NDUFAF8: variants seen among roughly 807,000 people sequenced by gnomAD.
The protein encoded by NDUFAF8 is NADH:ubiquinone oxidoreductase complex assembly factor 8, also known as NADH dehydrogenase [ubiquinone] 1 alpha subcomplex assembly factor 8.
Under a neutral mutation model 9.9 loss-of-function variants are expected in NDUFAF8, and 9 were observed. The observed-to-expected ratio is 0.91, with a 90% confidence interval of 0.55 to 1.59. The LOEUF (loss-of-function observed/expected upper bound fraction) is 1.59, where lower values mean the gene tolerates loss of function less well. Among genes scored for constraint, NDUFAF8 ranks in the 40% most tolerant of loss-of-function variants. The pLI is 0.00. For missense variants in NDUFAF8, 114 were observed against 113.8 expected, an observed-to-expected ratio of 1.00 and a Z score of -0.01; for synonymous variants, 63 against 51.2, an observed-to-expected ratio of 1.23 and a Z score of -0.98.
At position 81,239,354 on chromosome 17, in the gene NDUFAF8, A is replaced by C. The variant is rs2062787432; in HGVS notation, c.-10A>C. The C allele has an allele frequency of 7.3e-7, 1 of 1,365,910 alleles. No individual in the cohort carries two copies. Among genetic ancestry groups the C allele is most frequent in the Non-Finnish European group, 9.4e-7 (1 of 1,058,838 alleles). The allele number at this position is 1,365,910 out of a possible 1,614,324, so 84.6% of individuals were successfully genotyped here. On this transcript the variant is annotated 5_prime_UTR_variant, in exon 1 of 3. Transcript: ENST00000431388. ...GATGGCGGCCTCCAGGGGGCTGGGA[A>C]TAGCCGCTCATGTCGGCTAACGGAG...
In NDUFAF8 at chr17:81,239,739, C is replaced by T. The variant is rs572400759; in HGVS notation, c.195+61C>T. On this transcript the variant is annotated intron_variant, in intron 2 of 2. Coordinates refer to ENST00000431388, the MANE Select transcript of NDUFAF8 (RefSeq NM_001086521.2). The stretch of plus-strand genomic sequence containing the variant: ...CCTTCCCCTCCAAGAGCCAGCGGGC[C>T]CCGGCTTTCCTTTGCTTTCCCGTTG... 5.1e-4 allele frequency: 752 copies of T among 1,476,684 alleles called. 1 individual carries two copies. Among genetic ancestry groups the T allele is most frequent in the Non-Finnish European group, 6.5e-4 (713 of 1,098,392 alleles). 91.5% of individuals were successfully genotyped at this position (1,476,684 alleles called of 1,614,324 possible). A position where few individuals can be genotyped will look rare whatever the true frequency, so the allele number is the denominator to read the frequency against.
In NDUFAF8 at chr17:81,239,678, G is replaced by A. The variant is rs1010111537; in HGVS notation, c.195G>A (p.Ala65=). ...CCCTGCGGAGCTGCTTCGCCGCTGC[G>A]GTAGGTGGGCGCGGGCCCCTTCCCC... is the stretch of plus-strand genomic sequence containing the variant. The part of the protein sequence containing the change: ...FEALRSCFAA[A]AKKTLEGGC The change falls in exon 2 of 3, where the codon GCG becomes GCA. Residue 65 remains alanine, a splice_region_variant and synonymous_variant. Transcript: ENST00000431388. 6 of 1,538,116 alleles carry A rather than the reference G, an allele frequency of 3.9e-6. No individual in the cohort carries two copies. The African/African-American group carries it at 5.5e-5, about 14-fold the overall frequency.
chr17:81,241,041 T>C lies in NDUFAF8; in HGVS notation c.*25T>C. 1.2e-6 allele frequency: 2 copies of C among 1,612,142 alleles called. No homozygotes were observed. Among genetic ancestry groups the C allele is most frequent in the Non-Finnish European group, 1.7e-6 (2 of 1,179,192 alleles). ...GGAGGGACTCTGAGCTTCACACCTG[T>C]CTGCTGCCATGGGTGCAGAGCCCTA... On this transcript the variant is annotated 3_prime_UTR_variant, in exon 3 of 3. Coordinates refer to ENST00000431388, the MANE Select transcript of NDUFAF8 (RefSeq NM_001086521.2).
At chr17:81,240,018 G>C in intron 2 of NDUFAF8, 1 of 360,052 alleles carries the variant, frequency 2.8e-6, no homozygotes, top group Non-Finnish European at 5.1e-6. Flanking sequence ...CCCGGAAAGT[G>C]CCCAGCACCT....
At position 81,239,830 on chromosome 17, in the gene NDUFAF8, G is replaced by A. The variant is rs561859998; in HGVS notation, c.195+152G>A. ...CTGACAAAATCACCGAGCCATCGAC[G>A]AGCCCGCGAAACCTCGGCCGTCCTG... On this transcript the variant is annotated intron_variant, in intron 2 of 2. Coordinates refer to ENST00000431388, the MANE Select transcript of NDUFAF8 (RefSeq NM_001086521.2). 37 of 873,542 alleles carry A rather than the reference G, an allele frequency of 4.2e-5. No individual in the cohort carries two copies. In the African/African-American group the frequency reaches 5.8e-4, roughly 14 times the overall value. 54.1% of individuals were successfully genotyped at this position (873,542 alleles called of 1,614,324 possible).
In NDUFAF8 at chr17:81,239,679, G is replaced by A; in HGVS notation, c.195+1G>A. The stretch of plus-strand genomic sequence containing the variant: ...CCTGCGGAGCTGCTTCGCCGCTGCG[G>A]TAGGTGGGCGCGGGCCCCTTCCCCC... On this transcript the variant is annotated splice_donor_variant, in intron 2 of 2. Coordinates refer to ENST00000431388, the MANE Select transcript of NDUFAF8 (RefSeq NM_001086521.2). LOFTEE classifies it high-confidence loss of function. 6.5e-7 allele frequency: 1 copy of A among 1,538,012 alleles called. No homozygotes were observed. Among genetic ancestry groups the A allele is most frequent in the Non-Finnish European group, 8.7e-7 (1 of 1,146,370 alleles).
chr17:81,241,053 G>C lies in NDUFAF8; in HGVS notation c.*37G>C. ...AGCTTCACACCTGTCTGCTGCCATGGGTGCAGAGCCCTAGTCCTGATGGCC... is the reference window on the plus strand; with the variant it reads ...AGCTTCACACCTGTCTGCTGCCATGCGTGCAGAGCCCTAGTCCTGATGGCC... On this transcript the variant is annotated 3_prime_UTR_variant, in exon 3 of 3. Transcript: ENST00000431388. 6.2e-7 allele frequency: 1 copy of C among 1,609,906 alleles called. No individual in the cohort carries two copies. Among genetic ancestry groups the C allele is most frequent in the South Asian group, 1.1e-5 (1 of 90,350 alleles).
Position 81,241,202 on chromosome 17 carries a change from T to C in NDUFAF8, c.*186T>C. 1 of 1,376,934 alleles carries C rather than the reference T, an allele frequency of 7.3e-7. No homozygotes were observed. The highest frequency in any genetic ancestry group is 9.4e-7 in the Non-Finnish European group (1 of 1,062,164). The allele number at this position is 1,376,934 out of a possible 1,614,324, so 85.3% of individuals were successfully genotyped here. A position where few individuals can be genotyped will look rare whatever the true frequency, so the allele number is the denominator to read the frequency against. On this transcript the variant is annotated 3_prime_UTR_variant, in exon 3 of 3. Transcript: ENST00000431388. ...GAGGCGTGGGTAGAGCAGGAATTGG[T>C]TTTCCAGCATTGTGTCCGTAAACCT...
chr17:81,240,737 G>A (rs774730820), intron 2 of NDUFAF8, among the ~76,000 whole-genome samples: 2 of 151,622 alleles, frequency 1.3e-5, no homozygotes, highest in Non-Finnish European at 2.9e-5. Context: ...GTGGCATCTC[G>A]TGGGGGCTCA....
In NDUFAF8 at chr17:81,241,217, T is replaced by C; in HGVS notation, c.*201T>C. 3.7e-6 allele frequency: 5 copies of C among 1,361,080 alleles called. No homozygotes were observed. The highest frequency in any genetic ancestry group is 3.8e-6 in the Non-Finnish European group (4 of 1,050,384). 84.3% of individuals were successfully genotyped at this position (1,361,080 alleles called of 1,614,324 possible). A position where few individuals can be genotyped will look rare whatever the true frequency, so the allele number is the denominator to read the frequency against. ...CAGGAATTGGTTTTCCAGCATTGTG[T>C]CCGTAAACCTGAGTTAGAATAAGAT... On this transcript the variant is annotated 3_prime_UTR_variant, in exon 3 of 3. Transcript: ENST00000431388.
rs539090122 is a variant in NDUFAF8 at position 81,241,095 on chromosome 17, G to A, written c.*79G>A. 9.8e-5 allele frequency: 151 copies of A among 1,544,488 alleles called. No homozygotes were observed. The highest frequency in any genetic ancestry group is 2.3e-4 in the Admixed American group (11 of 48,868). On this transcript the variant is annotated 3_prime_UTR_variant, in exon 3 of 3. Coordinates refer to ENST00000431388, the MANE Select transcript of NDUFAF8 (RefSeq NM_001086521.2). ...CTGATGGCCCCTGGTGGCACATATCGAATGCCTAGGGCAGAAAGGAAGTGG... is the reference window on the plus strand; with the variant it reads ...CTGATGGCCCCTGGTGGCACATATCAAATGCCTAGGGCAGAAAGGAAGTGG...
Position 81,239,341 on chromosome 17 carries a change from C to T in NDUFAF8, c.-23C>T, listed in dbSNP as rs74778772. ...AGGACGGACCTAAGATGGCGGCCTC[C>T]AGGGGGCTGGGAATAGCCGCTCATG... On this transcript the variant is annotated 5_prime_UTR_variant, in exon 1 of 3. Transcript: ENST00000431388. The T allele has an allele frequency of 0.078, 107,164 of 1,367,030 alleles. 4,607 individuals are homozygous for T. Among genetic ancestry groups the T allele is most frequent in the East Asian group, 0.13 (4,224 of 32,206 alleles). 84.7% of individuals were successfully genotyped at this position (1,367,030 alleles called of 1,614,324 possible).
Position 81,239,623 on chromosome 17 carries a change from G to A in NDUFAF8, c.140G>A (p.Ser47Asn). 3.2e-6 allele frequency: 5 copies of A among 1,540,298 alleles called. No individual in the cohort carries two copies. Among genetic ancestry groups the A allele is most frequent in the Non-Finnish European group, 4.4e-6 (5 of 1,146,522 alleles). Reference protein sequence around the residue: ...QASTAPGGRLSKDFCAREFEA... With the variant: ...QASTAPGGRLNKDFCAREFEA... ...TCCACGGCCCCGGGCGGCCGCCTGA[G>A]TAAGGACTTCTGCGCGCGGGAGTTC... The change falls in exon 2 of 3, where the codon AGT becomes AAT. Residue 47 changes from serine (S) to asparagine (N), a missense_variant. Physicochemically the swap from Ser to Asn is conservative, Grantham distance 46 (BLOSUM62 1). Coordinates refer to ENST00000431388, the MANE Select transcript of NDUFAF8 (RefSeq NM_001086521.2).
chr17:81,239,894 A>G lies in NDUFAF8; in HGVS notation c.195+216A>G, dbSNP rs1372303960. 8.2e-6 allele frequency: 5 copies of G among 611,226 alleles called. No homozygotes were observed. In the Admixed American group the frequency reaches 1.5e-4, roughly 18 times the overall value. 37.9% of individuals were successfully genotyped at this position (611,226 alleles called of 1,614,324 possible). ...ATGTTTGTAAAGCGGGACTGGCACC[A>G]ACCTCAGAAAGGATGGGAGATGTGT... On this transcript the variant is annotated intron_variant, in intron 2 of 2. Coordinates refer to ENST00000431388, the MANE Select transcript of NDUFAF8 (RefSeq NM_001086521.2).
chr17:81,239,660 G>A lies in NDUFAF8; in HGVS notation c.177G>A (p.Arg59=). Residue 59 remains arginine, a synonymous_variant, in exon 2 of 3, where the codon CGG becomes CGA. Coordinates refer to ENST00000431388, the MANE Select transcript of NDUFAF8 (RefSeq NM_001086521.2). ...DFCAREFEAL[R]SCFAAAAKKT... ...GCGCGCGGGAGTTCGAGGCCCTGCG[G>A]AGCTGCTTCGCCGCTGCGGTAGGTG... 3.9e-6 allele frequency: 6 copies of A among 1,539,590 alleles called. No homozygotes were observed. The highest frequency in any genetic ancestry group is 4.9e-5 in the East Asian group (2 of 40,894).
intron 2 of NDUFAF8, 76 bp from the exon 3 acceptor site, chr17:81,240,909 CGT>C (rs2062812256): frequency 2.6e-6 from 4 of 1,518,118 alleles, no homozygotes; most frequent in Non-Finnish European, 3.6e-6. Flanking sequence ...TAGAACACAA[CGT>C]GTGGTGTGGT....
At chr17:81,239,967 C>T (rs2062798751) in intron 2 of NDUFAF8, 4 of 484,564 alleles carry the variant, frequency 8.3e-6, no homozygotes, top group Non-Finnish European at 1.5e-5. Context: ...TTAGCACTGC[C>T]GCCGGGGGGT....
intron 2 of NDUFAF8, 105 bp downstream of exon 2, chr17:81,239,783 TGCCGC>T (rs2062796297): frequency 8.1e-7 from 1 of 1,230,026 alleles, no homozygotes; most frequent in African/African-American, 1.6e-5. Context: ...TTTGAGCGCC[TGCCGC>T]GTGCTTTAGA....
chr17:81,240,698 T>A (rs1182971264), intron 2 of NDUFAF8, among the ~76,000 whole-genome samples: 1 of 149,870 alleles, frequency 6.7e-6, no homozygotes, highest in Non-Finnish European at 1.5e-5. Context: ...GGGCTCCTGC[T>A]TTCCCTCTAT....
Sources: gnomAD v4.1 joint callset for allele counts (sites outside exome capture counted in the v4.1 genomes callset) on GRCh38, gnomAD v4.1.1 for gene constraint, MANE v1.5 for transcripts, NCBI Gene and HGNC (gene_info 2026-07-23, HGNC 2026-07-21) for gene names.